Variants in PRSS53 observed in about 807,000 individuals in gnomAD.
PRSS53 encodes serine protease 53, also known as EDTP308.
PRSS53 carries 54 observed loss-of-function variants against 62.7 expected under a neutral mutation model. The observed-to-expected ratio is 0.86, with a 90% confidence interval of 0.69 to 1.08. PRSS53 has a LOEUF of 1.08. Ranked by LOEUF, PRSS53 falls within the 50% of genes least tolerant of loss-of-function variation. PRSS53 has a pLI of 0.00. For missense variants in PRSS53, 688 were observed against 728.3 expected (o/e 0.94, Z 0.64); for synonymous variants, 273 against 300.0 (o/e 0.91, Z 0.93).
At chr16:31,087,053 G>A (rs1232569202) in intron 3 of PRSS53, 155 bp from the exon 4 acceptor site, 2 of 748,754 alleles carry the variant, frequency 2.7e-6, no homozygotes, top group Non-Finnish European at 2.1e-6. Flanking sequence ...CTGCAGTGCA[G>A]TGGCATGACC....
intron 1 of PRSS53, chr16:31,088,282 G>A: frequency 1.8e-6 from 2 of 1,132,154 alleles, no homozygotes; most frequent in Non-Finnish European, 2.2e-6. Context: ...CTGGTCTAGA[G>A]ACTCAGTCTT....
At chr16:31,088,577 A>G (rs1345957285) in intron 1 of PRSS53, 175 bp downstream of exon 1, 1 of 1,439,166 alleles carries the variant, frequency 6.9e-7, no homozygotes, top group Non-Finnish European at 9.1e-7. Flanking sequence ...AATCTCATCC[A>G]TGTTGACACA....
intron 1 of PRSS53, 199 bp downstream of exon 1, chr16:31,088,553 A>T: frequency 7.0e-7 from 1 of 1,434,736 alleles, no homozygotes; most frequent in South Asian, 1.4e-5. Context: ...CGCAAACTGC[A>T]GCTGGCCCGA....
exon 9 of PRSS53, chr16:31,084,585 A>C (rs1567415338): frequency 6.2e-7 from 1 of 1,606,736 alleles, no homozygotes; most frequent in South Asian, 1.1e-5. Flanking sequence ...CACCCACAGC[A>C]CTGGTACACA....
chr16:31,083,940 G>T, intron 10 of PRSS53, 131 bp from the exon 11 acceptor site: 11 of 1,527,902 alleles, frequency 7.2e-6, no homozygotes, highest in Non-Finnish European at 9.7e-6. Context: ...GGCTCAAAGC[G>T]GTTGAGCAGC....
At chr16:31,087,991 T>C in intron 1 of PRSS53, 165 bp from the exon 2 acceptor site, 1 of 1,516,018 alleles carries the variant, frequency 6.6e-7, no homozygotes, top group Non-Finnish European at 8.8e-7. Context: ...CCGAGACAGC[T>C]TTTATTGGAA....
In PRSS53 at chr16:31,083,816, G is replaced by T; in HGVS notation, c.1643-7C>A. ...CAGCAGCTGGTTGGTTGGCCTGTGG[G>T]GAAGGAAGGAGGGTGGAGTTGTCCT... On this transcript the variant is annotated splice_region_variant and splice_polypyrimidine_tract_variant and intron_variant, in intron 10 of 10. Transcript: ENST00000280606. The T allele has an allele frequency of 6.2e-7, 1 of 1,613,974 alleles. No homozygotes were observed.
chr16:31,083,722 G>T, exon 11 of PRSS53: 1 of 1,612,992 alleles, frequency 6.2e-7, no homozygotes, highest in Non-Finnish European at 8.5e-7. Flanking sequence ...ACAGGGTGGG[G>T]AGGACAGGGG....
At chr16:31,086,078 G>A in exon 6 of PRSS53, 1 of 1,613,868 alleles carries the variant, frequency 6.2e-7, no homozygotes, top group Non-Finnish European at 8.5e-7. Context: ...TTGGTCAGCA[G>A]CACAGGAGCG....
At chr16:31,088,873 C>T in exon 1 of PRSS53, 1 of 1,603,196 alleles carries the variant, frequency 6.2e-7, no homozygotes, top group Non-Finnish European at 8.5e-7. Flanking sequence ...GTCTCCCTGG[C>T]TCCACCTCTG....
exon 7 of PRSS53, chr16:31,085,138 C>G: frequency 6.2e-7 from 1 of 1,612,362 alleles, no homozygotes; most frequent in Non-Finnish European, 8.5e-7. Context: ...GCAGTTAGCA[C>G]CGCCTCCTCT....
chr16:31,086,683 G>C, exon 4 of PRSS53: 1 of 1,552,684 alleles, frequency 6.4e-7, no homozygotes, highest in Non-Finnish European at 8.7e-7. Flanking sequence ...GGCTCCAAAG[G>C]GGAAGCGATG....
At chr16:31,084,375 C>T (rs1567415189) in intron 9 of PRSS53, 40 bp from the exon 10 acceptor site, 6 of 1,579,106 alleles carry the variant, frequency 3.8e-6, no homozygotes, top group Non-Finnish European at 5.2e-6. Context: ...TTTTTATAGG[C>T]AGCTGTGCAG....
intron 9 of PRSS53, 55 bp from the exon 10 acceptor site, chr16:31,084,390 G>A (rs574873320): frequency 1.3e-6 from 2 of 1,547,626 alleles, no homozygotes; most frequent in East Asian, 2.3e-5. Context: ...GTGCAGGACG[G>A]TAGAGCAGGC....
rs751328546 is a variant in PRSS53 at position 31,084,635 on chromosome 16, C to T, written c.1348G>A (p.Ala450Thr). 1.1e-5 allele frequency: 17 copies of T among 1,608,204 alleles called. No individual in the cohort carries two copies. The highest frequency in any genetic ancestry group is 1.7e-5 in the Admixed American group (1 of 59,350). The stretch of plus-strand genomic sequence containing the variant: ...ATAGGGCTGCCATCACCCCCAGGAG[C>T]TGCATGCAGCCGGCTGCAGGCCCTA... Residue 450 changes from alanine to threonine, a missense_variant, in exon 9 of 11, where the codon GCT becomes ACT. Transcript: ENST00000280606.
chr16:31,088,799 C>T, exon 1 of PRSS53: 3 of 1,613,856 alleles, frequency 1.9e-6, no homozygotes, highest in Non-Finnish European at 2.5e-6. Context: ...TGGGCCCCAG[C>T]ACCACTTCAT....
exon 11 of PRSS53, chr16:31,083,567 C>T: frequency 4.2e-6 from 6 of 1,438,856 alleles, no homozygotes; most frequent in Non-Finnish European, 5.5e-6. Flanking sequence ...GCTGAGACGC[C>T]TGCTTGGTAG....
At chr16:31,086,790 G>A (rs768770514) in exon 4 of PRSS53, 2 of 1,613,434 alleles carry the variant, frequency 1.2e-6, no homozygotes, top group South Asian at 1.1e-5. Context: ...TATAGGCCCT[G>A]GGCAACTGCA....
chr16:31,083,893 G>A (rs1221033691), intron 10 of PRSS53, 84 bp from the exon 11 acceptor site: 12 of 1,602,858 alleles, frequency 7.5e-6, no homozygotes, highest in African/African-American at 1.3e-5. Flanking sequence ...GAAGGAACAG[G>A]GTCTGTCTTG....
Sources: gnomAD v4.1 joint callset for allele counts on GRCh38, gnomAD v4.1.1 for gene constraint, MANE v1.5 for transcripts, NCBI Gene and HGNC (gene_info 2026-07-23, HGNC 2026-07-21) for gene names.